Variants in NF1 observed in about 807,000 individuals in gnomAD.
NF1 encodes the protein neurofibromin.
NF1 carries 122 observed loss-of-function variants against 325.7 expected under a neutral mutation model. The observed-to-expected ratio is 0.37, with a 90% CI of 0.32 to 0.44. The LOEUF (loss-of-function observed/expected upper bound fraction) is 0.44, where lower values mean the gene tolerates loss of function less well. Ranked by LOEUF, NF1 falls within the 20% of genes least tolerant of loss-of-function variation. The pLI is 1.00. For synonymous variants in NF1, 1,091 were observed against 1,186.0 expected, an observed-to-expected ratio of 0.92 and a Z score of 1.65; for missense variants, 2,140 against 3,415.4, an observed-to-expected ratio of 0.63 and a Z score of 9.31.
rs1801052 is a variant in NF1 at position 31,181,757 on chromosome 17, G to A, written c.702G>A (p.Leu234=). The part of the protein sequence containing the change: ...VENYPDEFTK[L]YQIPQTDMAE... ...ATTATCCAGATGAATTTACAAAACTGTACCAGATCCCACAGACTGATATGG... is the reference window on the plus strand; with the variant it reads ...ATTATCCAGATGAATTTACAAAACTATACCAGATCCCACAGACTGATATGG... Residue 234 remains leucine, a synonymous_variant, in exon 7 of 58, where the codon CTG becomes CTA. Coordinates refer to ENST00000358273, the MANE Select transcript of NF1 (RefSeq NM_001042492.3). 0.67 allele frequency: 1,067,803 copies of A among 1,604,776 alleles called. 363,710 individuals are homozygous for A. The highest frequency in any genetic ancestry group is 0.77 in the Middle Eastern group (4,601 of 5,990).
chr17:31,181,119 C>T (rs2066123414), intron 5 of NF1, among the ~76,000 whole-genome samples: 1 of 152,186 alleles, frequency 6.6e-6, no homozygotes, highest in Non-Finnish European at 1.5e-5. Flanking sequence ...AAAACAATTC[C>T]ATGCTCATGG....
chr17:31,232,299 T>A, intron 25 of NF1, 110 bp downstream of exon 25: 1 of 736,264 alleles, frequency 1.4e-6, no homozygotes, highest in Admixed American at 2.5e-5. Flanking sequence ...GGAAAATAAC[T>A]GTGTTTTGTG....
At position 31,334,898 on chromosome 17, in the gene NF1, G is replaced by T. The variant is rs1296862549; in HGVS notation, c.5873G>T (p.Arg1958Leu). Residue 1958 changes from arginine (R) to leucine (L), a missense_variant, in exon 40 of 58, where the codon CGT becomes CTT. This residue lies in a region of NF1 where 180 missense variants were observed against 435.1 expected (regional missense o/e 0.41). Coordinates refer to ENST00000358273, the MANE Select transcript of NF1 (RefSeq NM_001042492.3). ...YMTPWLSNLV[R>L]FCKHNDDAKR... ...ACTCCATGGCTGTCAAATCTAGTTCGTTTTTGCAAGCATAATGATGATGCC... is the reference window on the plus strand; with the variant it reads ...ACTCCATGGCTGTCAAATCTAGTTCTTTTTTGCAAGCATAATGATGATGCC... The T allele has an allele frequency of 6.2e-7, 1 of 1,613,642 alleles. No individual in the cohort carries two copies. The highest frequency in any genetic ancestry group is 8.5e-7 in the Non-Finnish European group (1 of 1,179,964).
intron 29 of NF1, among the ~76,000 whole-genome samples, chr17:31,243,180 C>CTGTG (rs1162406311): frequency 2.7e-5 from 2 of 73,260 alleles, no homozygotes; most frequent in South Asian, 4.0e-4. Context: ...GTCTCTCTCT[C>CTGTG]TGTCTGTGTG....
At chr17:31,255,536 ATATATT>A (rs1305501150) in intron 31 of NF1, among the ~76,000 whole-genome samples, 3 of 152,184 alleles carry the variant, frequency 2.0e-5, no homozygotes, top group Non-Finnish European at 2.9e-5. Flanking sequence ...TCAGTGATAC[ATATATT>A]TATATGATAC....
intron 1 of NF1, among the ~76,000 whole-genome samples, chr17:31,118,649 C>T (rs889503399): frequency 7.2e-5 from 11 of 152,102 alleles, no homozygotes; most frequent in African/African-American, 2.7e-4. Flanking sequence ...CATGGTATTC[C>T]ATGGTGTGTA....
intron 36 of NF1, chr17:31,304,420 G>T (rs372388394): frequency 6.2e-7 from 1 of 1,614,098 alleles, no homozygotes; most frequent in Non-Finnish European, 8.5e-7. Context: ...TGAGTCAAGC[G>T]GTGGAAATGA....
At chr17:31,124,679 A>G (rs1215135965) in intron 1 of NF1, among the ~76,000 whole-genome samples, 2 of 140,906 alleles carry the variant, frequency 1.4e-5, no homozygotes, top group Non-Finnish European at 3.0e-5. Context: ...GGCTCACTGC[A>G]AGCTCCGCCT....
chr17:31,139,490 A>C (rs1180102222), intron 1 of NF1, among the ~76,000 whole-genome samples: 1 of 152,154 alleles, frequency 6.6e-6, no homozygotes, highest in Non-Finnish European at 1.5e-5. Context: ...ATTATCATGT[A>C]GACCTTAAAT....
intron 39 of NF1, among the ~76,000 whole-genome samples, chr17:31,332,181 A>C (rs1208270318): frequency 6.6e-6 from 1 of 151,534 alleles, no homozygotes; most frequent in African/African-American, 2.4e-5. Context: ...AATATCCTTA[A>C]TCGGCCAGAC....
chr17:31,117,080 C>A (rs969201467), intron 1 of NF1, among the ~76,000 whole-genome samples: 1 of 152,052 alleles, frequency 6.6e-6, no homozygotes. Flanking sequence ...CTCCTGAGTT[C>A]AAGCAATTCT....
At chr17:31,304,327 A>G (rs201634622) in intron 36 of NF1, 170 of 1,614,116 alleles carry the variant, frequency 1.1e-4, no homozygotes, top group Admixed American at 1.5e-4. Context: ...GTTGGGAGGA[A>G]TAGAGAACTC....
At chr17:31,183,450 G>C (rs909159907) in intron 8 of NF1, 11 of 152,208 alleles carry the variant, frequency 7.2e-5, no homozygotes, top group African/African-American at 2.4e-4. Context: ...ACATTAAAGG[G>C]TAAATAAATG....
chr17:31,340,433 A>T (rs2151561126), intron 46 of NF1, 72 bp from the exon 47 acceptor site: 1 of 1,587,554 alleles, frequency 6.3e-7, no homozygotes, highest in Non-Finnish European at 8.6e-7. Context: ...CTTTATTTTT[A>T]ACTGCAGTGT....
At chr17:31,328,785 C>T (rs1184685136) in intron 38 of NF1, among the ~76,000 whole-genome samples, 1 of 151,998 alleles carries the variant, frequency 6.6e-6, no homozygotes, top group African/African-American at 2.4e-5. Flanking sequence ...TTTAGGATTC[C>T]AAATTCTCCT....
At chr17:31,226,777 T>C in intron 18 of NF1, 93 bp downstream of exon 18, 1 of 1,526,690 alleles carries the variant, frequency 6.6e-7, no homozygotes, top group Non-Finnish European at 9.0e-7. Context: ...ACTTTGTAAG[T>C]TTACAGGGGA....
chr17:31,340,629 G>A lies in NF1; in HGVS notation c.7046G>A (p.Arg2349His), dbSNP rs864622065. 1.6e-5 allele frequency: 26 copies of A among 1,613,826 alleles called. No homozygotes were observed. The highest frequency in any genetic ancestry group is 4.5e-5 in the East Asian group (2 of 44,892). Residue 2349 changes from arginine (R) to histidine (H), a missense_variant, in exon 47 of 58, where the codon CGT becomes CAT. Coordinates refer to ENST00000358273, the MANE Select transcript of NF1 (RefSeq NM_001042492.3). Reference protein sequence around the residue: ...EQNLHTLDSLRIFNDKSPEEV... With the variant: ...EQNLHTLDSLHIFNDKSPEEV... ...AACCTGCATACTTTAGATAGTCTCC[G>A]TATATTCAATGACAAGGTAAGCAAA...
At chr17:31,154,053 ATTTTTTT>A (rs67332557) in intron 1 of NF1, among the ~76,000 whole-genome samples, 18 of 52,716 alleles carry the variant, frequency 3.4e-4, no homozygotes, top group South Asian at 9.6e-4. Flanking sequence ...AGTTTCTTTG[ATTTTTTT>A]TTTTTTTTTT....
chr17:31,169,905 C>T lies in NF1; in HGVS notation c.494C>T (p.Thr165Ile), dbSNP rs876660009. The change falls in exon 5 of 58, where the codon ACT becomes ATT. Residue 165 changes from threonine to isoleucine, a missense_variant. Thr to Ile is a moderately conservative substitution (Grantham distance 89). Coordinates refer to ENST00000358273, the MANE Select transcript of NF1 (RefSeq NM_001042492.3). Reference sequence around the variant, plus strand: ...TTACTTTTTAGGTTACAGGAATTAACTGTTTGTTCAGAAGACAATGTTGAT... The same window carrying T: ...TTACTTTTTAGGTTACAGGAATTAATTGTTTGTTCAGAAGACAATGTTGAT... ...SRISTRLQEL[T>I]VCSEDNVDVH... The T allele has an allele frequency of 6.3e-7, 1 of 1,594,652 alleles. No homozygotes were observed. The highest frequency in any genetic ancestry group is 1.7e-5 in the Admixed American group (1 of 59,450).
Sources: gnomAD v4.1 joint callset for allele counts (sites outside exome capture counted in the v4.1 genomes callset) on GRCh38, gnomAD v4.1.1 for gene constraint, gnomAD v4.1.1 regional missense constraint, MANE v1.5 for transcripts, NCBI Gene and HGNC (gene_info 2026-07-23, HGNC 2026-07-21) for gene names.